The following PPP1R16B variants were observed in gnomAD, a reference collection of about 807,000 sequenced individuals.
The protein encoded by PPP1R16B is protein phosphatase 1 regulatory subunit 16B.
A neutral mutation model predicts 61.7 loss-of-function variants in PPP1R16B; 14 were observed. The observed-to-expected ratio is 0.23, with a 90% CI of 0.15 to 0.35. The LOEUF (loss-of-function observed/expected upper bound fraction) is 0.35, where lower values mean the gene tolerates loss of function less well. PPP1R16B is among the 10% of genes least tolerant of loss of function. PPP1R16B has a pLI of 1.00. For missense variants in PPP1R16B, 547 were observed against 752.5 expected, an observed-to-expected ratio of 0.73 and a Z score of 3.19; for synonymous variants, 266 against 305.3, an observed-to-expected ratio of 0.87 and a Z score of 1.34.
chr20:38,915,492 T>G (rs914314122), intron 10 of PPP1R16B, among the ~76,000 whole-genome samples: 1 of 152,162 alleles, frequency 6.6e-6, no homozygotes, highest in African/African-American at 2.4e-5. Flanking sequence ...GTGTTCTATA[T>G]GGTTTTTTTT....
At chr20:38,898,811 AAACAAC>A (rs145367321) in intron 4 of PPP1R16B, among the ~76,000 whole-genome samples, 5,730 of 150,180 alleles carry the variant, frequency 0.038, 176 homozygotes, top group African/African-American at 0.082. Context: ...CCTTGTTTCA[AAACAAC>A]AACAACAACA....
chr20:38,869,773 A>C (rs2085114304), intron 2 of PPP1R16B, among the ~76,000 whole-genome samples: 1 of 151,942 alleles, frequency 6.6e-6, no homozygotes, highest in African/African-American at 2.4e-5. Context: ...GGCCTATGGA[A>C]TATATTAAAG....
chr20:38,895,959 T>TCTTCTTTCTTCCCTCCCTTCCCCCCTTC (rs2085338097), intron 4 of PPP1R16B, among the ~76,000 whole-genome samples: 1 of 30,380 alleles, frequency 3.3e-5, no homozygotes, highest in Non-Finnish European at 5.9e-5. Flanking sequence ...CTCCCTCCTT[T>TCTTCTTTCTTCCCTCCCTTCCCCCCTTC]CTTCTTTCTT....
At chr20:38,880,496 A>G (rs548581242) in intron 2 of PPP1R16B, among the ~76,000 whole-genome samples, 3 of 152,242 alleles carry the variant, frequency 2.0e-5, no homozygotes, top group African/African-American at 7.2e-5. Flanking sequence ...GCAAAATGCC[A>G]TCTCTACAAA....
At chr20:38,856,734 C>A (rs191230325) in intron 2 of PPP1R16B, among the ~76,000 whole-genome samples, 8 of 152,346 alleles carry the variant, frequency 5.3e-5, no homozygotes, top group Non-Finnish European at 1.2e-4. Flanking sequence ...AAAATAGGAA[C>A]CGTTAGTAAC....
intron 1 of PPP1R16B, among the ~76,000 whole-genome samples, chr20:38,833,925 G>A (rs1041519533): frequency 2.0e-5 from 3 of 152,224 alleles, no homozygotes; most frequent in South Asian, 2.1e-4. Flanking sequence ...GGCGGGTGAC[G>A]CAGGCGACCC....
At chr20:38,829,824 C>T (rs1158532851) in intron 1 of PPP1R16B, among the ~76,000 whole-genome samples, 2 of 152,120 alleles carry the variant, frequency 1.3e-5, no homozygotes, top group African/African-American at 2.4e-5. Context: ...AGGAGGTGTG[C>T]GGGTCTATTG....
intron 2 of PPP1R16B, among the ~76,000 whole-genome samples, chr20:38,863,001 A>G (rs879456973): frequency 6.6e-6 from 1 of 152,138 alleles, no homozygotes; most frequent in Non-Finnish European, 1.5e-5. Context: ...AGTAGATACA[A>G]TGGTCCCCCT....
intron 2 of PPP1R16B, among the ~76,000 whole-genome samples, chr20:38,874,794 G>A (rs747943568): frequency 6.6e-6 from 1 of 152,196 alleles, no homozygotes; most frequent in African/African-American, 2.4e-5. Flanking sequence ...TGGGTCAAGT[G>A]TGGGGGTATT....
chr20:38,917,984 G>A (rs1016700627), intron 10 of PPP1R16B, among the ~76,000 whole-genome samples, 173 bp from the exon 11 acceptor site: 1 of 152,140 alleles, frequency 6.6e-6, no homozygotes, highest in African/African-American at 2.4e-5. Context: ...TCGGTCAACT[G>A]TACGGAAATT....
intron 2 of PPP1R16B, among the ~76,000 whole-genome samples, chr20:38,863,485 A>T (rs1349765464): frequency 6.6e-6 from 1 of 152,226 alleles, no homozygotes; most frequent in African/African-American, 2.4e-5. Context: ...CCGTAGCCTG[A>T]GCCCACACCA....
intron 1 of PPP1R16B, among the ~76,000 whole-genome samples, chr20:38,814,726 A>G (rs1364122613): frequency 6.6e-6 from 1 of 152,130 alleles, no homozygotes; most frequent in Non-Finnish European, 1.5e-5. Flanking sequence ...GGGCATCCCT[A>G]GTCTCCTCCG....
intron 1 of PPP1R16B, among the ~76,000 whole-genome samples, chr20:38,807,798 C>T (rs955305433): frequency 6.6e-6 from 1 of 152,160 alleles, no homozygotes; most frequent in Admixed American, 6.5e-5. Context: ...TCCAGCTCTT[C>T]CCAGCCTCTG....
At chr20:38,884,835 G>C (rs1314352536) in intron 2 of PPP1R16B, among the ~76,000 whole-genome samples, 4 of 151,800 alleles carry the variant, frequency 2.6e-5, no homozygotes, top group Admixed American at 2.6e-4. Flanking sequence ...ATTTTGGGGG[G>C]CTGAGGCAGG....
At chr20:38,911,666 A>T (rs982848510) in intron 10 of PPP1R16B, among the ~76,000 whole-genome samples, 1 of 150,978 alleles carries the variant, frequency 6.6e-6, no homozygotes, top group Non-Finnish European at 1.5e-5. Context: ...CCTCCTGAGT[A>T]GCTGGGATTA....
chr20:38,898,186 C>T (rs987851672), intron 4 of PPP1R16B, among the ~76,000 whole-genome samples: 1 of 152,100 alleles, frequency 6.6e-6, no homozygotes, highest in African/African-American at 2.4e-5. Context: ...AAGGATCTAA[C>T]TTCATTCTTT....
In PPP1R16B at chr20:38,907,946, G is replaced by T. The variant is rs745371585; in HGVS notation, c.1028+11G>T. On this transcript the variant is annotated intron_variant, in intron 9 of 10. Coordinates refer to ENST00000299824, the MANE Select transcript of PPP1R16B (RefSeq NM_015568.4). This position sits in a 1 kb window ranked among gnomAD's most constrained non-coding sequence, Gnocchi z 4.5. ...CGCAGGCAGCCGTGGGTGAGTCCGGGGCAGGGCAGCCAGGAGTCCCTGTGT... is the reference window on the plus strand; with the variant it reads ...CGCAGGCAGCCGTGGGTGAGTCCGGTGCAGGGCAGCCAGGAGTCCCTGTGT... The T allele has an allele frequency of 1.9e-6, 3 of 1,614,010 alleles. No homozygotes were observed. The highest frequency in any genetic ancestry group is 2.7e-5 in the African/African-American group (2 of 74,924).
In PPP1R16B at chr20:38,897,920, A is replaced by G. The variant is rs192738997; in HGVS notation, c.467+2210A>G. Among the ~76,000 whole-genome samples, 531 of 152,292 alleles carry G rather than the reference A, an allele frequency of 3.5e-3. 4 individuals are homozygous for G. Among genetic ancestry groups the G allele is most frequent in the Non-Finnish European group, 4.4e-3 (299 of 68,016 alleles). The stretch of plus-strand genomic sequence containing the variant: ...TCTTCTTTGGAGAAATGTCTATTCA[A>G]GTCCTTTGTCCATGTTTGAACTGGG... On this transcript the variant is annotated intron_variant, in intron 4 of 10. Transcript: ENST00000299824.
chr20:38,877,952 GTTTTTTTTTTTTTTTTTTT>G (rs34151516), intron 2 of PPP1R16B, among the ~76,000 whole-genome samples: 6 of 57,780 alleles, frequency 1.0e-4, no homozygotes, highest in African/African-American at 3.5e-4. Context: ...GCACACAGTT[GTTTTTTTTTTTTTTTTTTT>G]TTTTTTTTGG....
Sources: allele counts gnomAD v4.1 joint callset (sites outside exome capture counted in the v4.1 genomes callset), GRCh38; gene constraint gnomAD v4.1.1; non-coding constraint Gnocchi (gnomAD v3.1); transcripts MANE v1.5; gene names NCBI Gene and HGNC (gene_info 2026-07-23, HGNC 2026-07-21).